VRK2: variants seen among roughly 807,000 people sequenced by gnomAD.
The protein encoded by VRK2 is VRK serine/threonine kinase 2.
Under a neutral mutation model 57.6 loss-of-function variants are expected in VRK2, and 60 were observed. The observed-to-expected ratio is 1.04, with a 90% CI of 0.85 to 1.29. VRK2 has a LOEUF of 1.29. Among genes scored for constraint, VRK2 ranks in the 50% most tolerant of loss-of-function variants. The pLI is 0.00. For synonymous variants in VRK2, 231 were observed against 199.2 expected, an observed-to-expected ratio of 1.16 and a Z score of -1.35; for missense variants, 705 against 588.1, an observed-to-expected ratio of 1.20 and a Z score of -2.06.
chr2:58,015,480 T>C (rs1278116668), intron 1 of VRK2, among the ~76,000 whole-genome samples: 2 of 152,194 alleles, frequency 1.3e-5, no homozygotes, highest in African/African-American at 4.8e-5. Flanking sequence ...ACCTATCTCA[T>C]TATTATTTTA....
At chr2:58,137,224 C>CATATATATGATACATATGTATCATAT (rs147019487) in intron 10 of VRK2, among the ~76,000 whole-genome samples, 3 of 65,134 alleles carry the variant, frequency 4.6e-5, no homozygotes, top group African/African-American at 1.7e-4. Context: ...ACATATATAT[C>CATATATATGATACATATGTATCATAT]ATATGATACA....
At chr2:57,937,710 C>T (rs2103948244) in intron 1 of VRK2, among the ~76,000 whole-genome samples, 1 of 152,230 alleles carries the variant, frequency 6.6e-6, no homozygotes, top group East Asian at 1.9e-4. Flanking sequence ...TGTAAGAAAA[C>T]CATACTTTCT....
intron 8 of VRK2, among the ~76,000 whole-genome samples, chr2:58,128,543 G>A (rs958567792): frequency 2.0e-5 from 3 of 152,090 alleles, no homozygotes; most frequent in Non-Finnish European, 4.4e-5. Context: ...TGTTGGCCGG[G>A]CTGGTCTTAA....
chr2:57,925,809 A>G (rs1197053269), intron 1 of VRK2, among the ~76,000 whole-genome samples: 1 of 149,622 alleles, frequency 6.7e-6, no homozygotes, highest in African/African-American at 2.5e-5. Flanking sequence ...GTTTTTTAAG[A>G]TGTATTGTTA....
intron 1 of VRK2, among the ~76,000 whole-genome samples, chr2:57,916,590 ATT>A (rs1670161570): frequency 6.6e-6 from 1 of 152,106 alleles, no homozygotes; most frequent in East Asian, 1.9e-4. Context: ...CATGTATGAT[ATT>A]GGTTTTCAAT....
chr2:58,141,713 GT>G (rs1681367384), intron 11 of VRK2, among the ~76,000 whole-genome samples: 1 of 151,900 alleles, frequency 6.6e-6, no homozygotes, highest in South Asian at 2.1e-4. Flanking sequence ...TAAACTTTAA[GT>G]ATCTTAATTT....
chr2:58,094,643 C>T (rs567312413), intron 7 of VRK2, among the ~76,000 whole-genome samples: 1 of 152,204 alleles, frequency 6.6e-6, no homozygotes, highest in South Asian at 2.1e-4. Context: ...ATTGAGTACC[C>T]TTTATTTTTT....
At chr2:57,934,567 C>A (rs1214204116) in intron 1 of VRK2, among the ~76,000 whole-genome samples, 1 of 152,156 alleles carries the variant, frequency 6.6e-6, no homozygotes, top group Non-Finnish European at 1.5e-5. Context: ...AGGTTGAAGC[C>A]ATTTGGGAAT....
At chr2:58,032,307 A>C (rs531931095) in intron 2 of VRK2, among the ~76,000 whole-genome samples, 19 of 152,212 alleles carry the variant, frequency 1.2e-4, no homozygotes, top group Admixed American at 3.9e-4. Context: ...TTATAAACAA[A>C]AGATTTATTT....
intron 12 of VRK2, among the ~76,000 whole-genome samples, chr2:58,156,583 T>G (rs28684914): frequency 8.5e-4 from 124 of 145,048 alleles, no homozygotes; most frequent in African/African-American, 3.2e-3. Flanking sequence ...GGTGGTGTTT[T>G]TTTTGTTTTG....
intron 12 of VRK2, among the ~76,000 whole-genome samples, chr2:58,153,794 T>G (rs1164415090): frequency 6.6e-6 from 1 of 152,108 alleles, no homozygotes; most frequent in African/African-American, 2.4e-5. Context: ...CCTGTTTCTT[T>G]TTCACGTTTT....
At chr2:58,024,839 A>T (rs919967182) in intron 1 of VRK2, among the ~76,000 whole-genome samples, 1 of 152,238 alleles carries the variant, frequency 6.6e-6, no homozygotes, top group Non-Finnish European at 1.5e-5. Context: ...GTGTGAGAGC[A>T]ATTTTATGAG....
At chr2:58,086,098 G>C (rs935007157) in intron 4 of VRK2, among the ~76,000 whole-genome samples, 20 of 150,854 alleles carry the variant, frequency 1.3e-4, no homozygotes, top group African/African-American at 4.9e-4. Flanking sequence ...AATATATATG[G>C]TATCAATATA....
chr2:58,088,402 G>T lies in VRK2; in HGVS notation c.406G>T (p.Gly136Cys), dbSNP rs1671930920. ...TTTACAGAAGATCTCAGGCCAGAATGGTACCTTTAAAAAGTCAACTGTCCT... is the reference window on the plus strand; with the variant it reads ...TTTACAGAAGATCTCAGGCCAGAATTGTACCTTTAAAAAGTCAACTGTCCT... Reference protein sequence around the residue: ...IDLQKISGQNGTFKKSTVLQL... With the variant: ...IDLQKISGQNCTFKKSTVLQL... Residue 136 changes from glycine to cysteine, a missense_variant, in exon 6 of 13, where the codon GGT (glycine) becomes TGT (cysteine). Physicochemically the swap from Gly to Cys is radical, Grantham distance 159. Coordinates refer to ENST00000340157, the MANE Select transcript of VRK2 (RefSeq NM_006296.7). 2 of 1,613,398 alleles carry T rather than the reference G, an allele frequency of 1.2e-6. No homozygotes were observed. The highest frequency in any genetic ancestry group is 2.7e-5 in the African/African-American group (2 of 74,990).
At chr2:57,938,752 G>T (rs531796777) in intron 1 of VRK2, among the ~76,000 whole-genome samples, 1 of 151,988 alleles carries the variant, frequency 6.6e-6, no homozygotes, top group Non-Finnish European at 1.5e-5. Flanking sequence ...CTAGTCAATG[G>T]AGACAAGATG....
At chr2:58,131,769 C>A (rs1679224642) in intron 8 of VRK2, 39 bp from the exon 9 acceptor site, 2 of 1,546,026 alleles carry the variant, frequency 1.3e-6, no homozygotes, top group African/African-American at 1.4e-5. Context: ...CAAGGACTTG[C>A]TTATCCCTTA....
At chr2:58,156,781 A>T (rs1271362524) in intron 12 of VRK2, among the ~76,000 whole-genome samples, 3 of 152,132 alleles carry the variant, frequency 2.0e-5, no homozygotes, top group Middle Eastern at 3.2e-3. Context: ...AATTCCTTGA[A>T]CATATTTATG....
At chr2:57,974,344 A>G (rs958840899) in intron 1 of VRK2, among the ~76,000 whole-genome samples, 4 of 151,946 alleles carry the variant, frequency 2.6e-5, no homozygotes, top group African/African-American at 9.7e-5. Context: ...CCAACAGATT[A>G]AAATATTGGT....
At chr2:57,988,690 C>G (rs1207187465) in intron 1 of VRK2, among the ~76,000 whole-genome samples, 1 of 152,114 alleles carries the variant, frequency 6.6e-6, no homozygotes, top group Non-Finnish European at 1.5e-5. Flanking sequence ...AGACACAGAC[C>G]GATACCACCT....
Sources: allele counts gnomAD v4.1 joint callset (sites outside exome capture counted in the v4.1 genomes callset), GRCh38; gene constraint gnomAD v4.1.1; transcripts MANE v1.5; gene names NCBI Gene and HGNC (gene_info 2026-07-23, HGNC 2026-07-21).